Variants in EPSTI1 observed in about 807,000 individuals in gnomAD.
EPSTI1 encodes epithelial stromal interaction 1.
Under a neutral mutation model 49.9 loss-of-function variants are expected in EPSTI1, and 66 were observed. The observed-to-expected ratio is 1.32, with a 90% CI of 1.08 to 1.62. The LOEUF is 1.62. EPSTI1 is among the 40% of genes most tolerant of loss of function. The pLI is 0.00. For synonymous variants in EPSTI1, 137 were observed against 130.7 expected (o/e 1.05, Z -0.33); for missense variants, 394 against 365.5 (o/e 1.08, Z -0.64).
chr13:42,943,299 C>T (rs2038818611), intron 6 of EPSTI1, among the ~76,000 whole-genome samples: 1 of 152,200 alleles, frequency 6.6e-6, no homozygotes, highest in Non-Finnish European at 1.5e-5. Flanking sequence ...GAAGAGTTCT[C>T]AGGCTCTATT....
chr13:42,963,141 AAGAG>A (rs10677198), intron 5 of EPSTI1, 110 bp downstream of exon 5: 4 of 758,066 alleles, frequency 5.3e-6, no homozygotes, highest in East Asian at 5.7e-5. Context: ...GGGGAATAGA[AAGAG>A]AGAGAGAGAG....
At chr13:42,979,867 G>C (rs1029565284) in intron 1 of EPSTI1, among the ~76,000 whole-genome samples, 1 of 151,638 alleles carries the variant, frequency 6.6e-6, no homozygotes, top group Admixed American at 6.6e-5. Context: ...TTGCCTAATA[G>C]TCTATATTCA....
chr13:42,947,136 A>C (rs1325732521), intron 6 of EPSTI1, among the ~76,000 whole-genome samples: 1 of 152,166 alleles, frequency 6.6e-6, no homozygotes, highest in Non-Finnish European at 1.5e-5. Context: ...CCTCCCCTGA[A>C]ACACAATGTT....
intron 6 of EPSTI1, among the ~76,000 whole-genome samples, chr13:42,942,589 T>G (rs781718902): frequency 2.0e-5 from 3 of 150,162 alleles, no homozygotes; most frequent in Non-Finnish European, 3.0e-5. Context: ...GTAGTTCATA[T>G]CCCTGTCTCT....
intron 8 of EPSTI1, among the ~76,000 whole-genome samples, chr13:42,910,978 G>A (rs1348166393): frequency 3.9e-5 from 6 of 152,164 alleles, no homozygotes; most frequent in Non-Finnish European, 1.5e-5. Flanking sequence ...TTAATTGATA[G>A]TAAAGATTAA....
intron 7 of EPSTI1, 110 bp downstream of exon 7, chr13:42,926,226 T>A: frequency 2.7e-6 from 2 of 751,956 alleles, no homozygotes; most frequent in African/African-American, 1.7e-5. Context: ...GTCATCTGTC[T>A]TTAGTTCCAG....
chr13:42,913,255 A>T (rs2037738286), intron 8 of EPSTI1, among the ~76,000 whole-genome samples: 1 of 152,184 alleles, frequency 6.6e-6, no homozygotes, highest in Non-Finnish European at 1.5e-5. Flanking sequence ...TCTACCCATT[A>T]AGAGATTCTG....
chr13:42,912,038 T>C (rs1004518617), intron 8 of EPSTI1, among the ~76,000 whole-genome samples: 9 of 152,234 alleles, frequency 5.9e-5, no homozygotes, highest in Non-Finnish European at 1.3e-4. Flanking sequence ...CTTTCAGTAT[T>C]TTACTGATTC....
chr13:42,900,125 T>C (rs2037312031), intron 9 of EPSTI1, among the ~76,000 whole-genome samples, 185 bp downstream of exon 9: 1 of 152,216 alleles, frequency 6.6e-6, no homozygotes, highest in Non-Finnish European at 1.5e-5. Flanking sequence ...TGTACACACG[T>C]GTGTACTTAT....
chr13:42,906,337 C>T (rs553096006), intron 8 of EPSTI1, among the ~76,000 whole-genome samples: 1 of 152,194 alleles, frequency 6.6e-6, no homozygotes, highest in South Asian at 2.1e-4. Context: ...GGAAAACATG[C>T]TCCAAAGCAA....
intron 6 of EPSTI1, among the ~76,000 whole-genome samples, chr13:42,939,099 T>A (rs1398018867): frequency 6.6e-6 from 1 of 152,084 alleles, no homozygotes; most frequent in Non-Finnish European, 1.5e-5. Flanking sequence ...CTAACTTTTC[T>A]TCTACAGCTT....
At position 42,992,235 on chromosome 13, in the gene EPSTI1, T is replaced by C; in HGVS notation, c.-70A>G. 2.8e-6 allele frequency: 4 copies of C among 1,451,224 alleles called. No homozygotes were observed. Among genetic ancestry groups the C allele is most frequent in the Non-Finnish European group, 3.7e-6 (4 of 1,095,628 alleles). The allele number at this position is 1,451,224 out of a possible 1,614,324, so 89.9% of individuals were successfully genotyped here. On this transcript the variant is annotated 5_prime_UTR_variant, in exon 1 of 11. Coordinates refer to ENST00000313624, the MANE Select transcript of EPSTI1 (RefSeq NM_033255.5). ...ATGCGGCTGGGACGCTTAGCGAGTC[T>C]CAAGATGGGATTCCAAAGTGCAGAG...
At chr13:42,948,099 C>G (rs925161111) in intron 6 of EPSTI1, among the ~76,000 whole-genome samples, 12 of 152,398 alleles carry the variant, frequency 7.9e-5, no homozygotes, top group African/African-American at 2.6e-4. Context: ...GCTTCCCACC[C>G]TGCACACCGG....
chr13:42,892,167 TAAG>T (rs1211270340), intron 10 of EPSTI1, among the ~76,000 whole-genome samples: 1 of 152,206 alleles, frequency 6.6e-6, no homozygotes, highest in African/African-American at 2.4e-5. Context: ...GCCAGAGGGC[TAAG>T]AAGGAGTCTG....
At chr13:42,970,570 A>G (rs1033456828) in intron 2 of EPSTI1, 42 bp downstream of exon 2, 10 of 1,511,372 alleles carry the variant, frequency 6.6e-6, no homozygotes, top group Non-Finnish European at 9.0e-6. Flanking sequence ...AATTGTAAAA[A>G]GAGAGAAGCA....
chr13:42,971,204 C>T (rs541721691), intron 1 of EPSTI1, among the ~76,000 whole-genome samples: 2 of 152,260 alleles, frequency 1.3e-5, no homozygotes, highest in East Asian at 3.9e-4. Flanking sequence ...TAATCAGGGG[C>T]TCGGAGAAGC....
At chr13:42,923,289 G>C (rs368361226) in intron 7 of EPSTI1, among the ~76,000 whole-genome samples, 1 of 152,254 alleles carries the variant, frequency 6.6e-6, no homozygotes, top group Non-Finnish European at 1.5e-5. Context: ...GGCCGGGTGC[G>C]GTGGCTCACA....
rs1173919752 is a variant in EPSTI1, at chr13:42,922,477, T to A, written c.657+3859A>T. Among the ~76,000 whole-genome samples the A allele has an allele frequency of 2.0e-5, 3 of 152,138 alleles. No individual in the cohort carries two copies. Among genetic ancestry groups the A allele is most frequent in the Non-Finnish European group, 4.4e-5 (3 of 68,032 alleles). On this transcript the variant is annotated intron_variant, in intron 7 of 10. Transcript: ENST00000313624. This position sits in a 1 kb window ranked among gnomAD's most constrained non-coding sequence, Gnocchi z 4.8. ...GCCATGCAGCCGTGTGCCAAGGGTT[T>A]GCGGGGACAGGGGACAGATGCCCCC...
At chr13:42,976,915 A>G (rs2039892823) in intron 1 of EPSTI1, among the ~76,000 whole-genome samples, 2 of 152,256 alleles carry the variant, frequency 1.3e-5, no homozygotes, top group South Asian at 4.1e-4. Context: ...GTACAGCTGT[A>G]CATCCTGCTT....
Sources: gnomAD v4.1 joint callset for allele counts (sites outside exome capture counted in the v4.1 genomes callset) on GRCh38, gnomAD v4.1.1 for gene constraint, Gnocchi (gnomAD v3.1) non-coding constraint, MANE v1.5 for transcripts, NCBI Gene and HGNC (gene_info 2026-07-23, HGNC 2026-07-21) for gene names.